Variants in KIAA0825 observed in about 807,000 individuals in gnomAD.
KIAA0825 encodes KIAA0825, also known as uncharacterized protein KIAA0825.
Under a neutral mutation model 147.6 loss-of-function variants are expected in KIAA0825, and 119 were observed. The ratio of observed to expected loss-of-function variants is 0.81; its 90% confidence interval spans 0.69 to 0.94. The LOEUF (loss-of-function observed/expected upper bound fraction) is 0.94, where lower values mean the gene tolerates loss of function less well. Among genes scored for constraint, KIAA0825 ranks in the 40% least tolerant of loss-of-function variants. The pLI, the probability that KIAA0825 is intolerant of heterozygous loss-of-function variation, is 0.00. For missense variants in KIAA0825, 1,381 were observed against 1,472.7 expected (o/e 0.94, Z 1.02); for synonymous variants, 470 against 518.1 (o/e 0.91, Z 1.26).
At chr5:94,362,061 G>A (rs959938617) in intron 20 of KIAA0825, among the ~76,000 whole-genome samples, 3 of 152,128 alleles carry the variant, frequency 2.0e-5, no homozygotes, top group Non-Finnish European at 2.9e-5. Context: ...CATCAATCAC[G>A]CACCAAGAGT....
At chr5:94,452,105 C>T (rs1758487524) in intron 13 of KIAA0825, among the ~76,000 whole-genome samples, 1 of 152,086 alleles carries the variant, frequency 6.6e-6, no homozygotes, top group Non-Finnish European at 1.5e-5. Flanking sequence ...GAGGTAATAA[C>T]AATACATTGA....
At chr5:94,254,430 T>G (rs1352801137) in intron 20 of KIAA0825, among the ~76,000 whole-genome samples, 1 of 152,050 alleles carries the variant, frequency 6.6e-6, no homozygotes, top group African/African-American at 2.4e-5. Context: ...GTGGTATTGG[T>G]CACCAAAATA....
chr5:94,579,302 A>G (rs1022527101), intron 2 of KIAA0825, among the ~76,000 whole-genome samples: 1 of 152,224 alleles, frequency 6.6e-6, no homozygotes, highest in Non-Finnish European at 1.5e-5. Context: ...TACATCCGTA[A>G]ACGAGTGAGA....
intron 14 of KIAA0825, among the ~76,000 whole-genome samples, chr5:94,419,161 T>A (rs1753853700): frequency 6.6e-6 from 1 of 152,110 alleles, no homozygotes; most frequent in South Asian, 2.1e-4. Context: ...AGGCCTGAGT[T>A]GTTACACCCA....
In KIAA0825 at chr5:94,440,016, A is replaced by G. The variant is rs1756875953; in HGVS notation, c.2463T>C (p.Asp821=). The G allele has an allele frequency of 1.3e-6, 2 of 1,551,698 alleles. No individual in the cohort carries two copies. The highest frequency in any genetic ancestry group is 2.7e-5 in the African/African-American group (2 of 73,030). The stretch of plus-strand genomic sequence containing the variant: ...TCAGCAAGATTCTCAGTAAAAGTCC[A>G]TCATGATGCAGTAGGGTTTCCAGAA... ...NLLLETLLHH[D]GLLLRILLKS... Residue 821 remains aspartate (D), a synonymous_variant, in exon 14 of 21, where the codon GAT becomes GAC. Transcript: ENST00000682413.
chr5:94,274,116 ATCTC>A (rs1194264571), intron 20 of KIAA0825, among the ~76,000 whole-genome samples: 2 of 152,158 alleles, frequency 1.3e-5, no homozygotes, highest in Non-Finnish European at 1.5e-5. Flanking sequence ...AGGACTCAGA[ATCTC>A]TATGTATCAT....
intron 20 of KIAA0825, among the ~76,000 whole-genome samples, chr5:94,168,817 G>T (rs1257118335): frequency 6.6e-6 from 1 of 152,080 alleles, no homozygotes; most frequent in East Asian, 1.9e-4. Context: ...CAAAAGAAAA[G>T]GTGTATTTTT....
intron 5 of KIAA0825, among the ~76,000 whole-genome samples, chr5:94,516,035 C>G (rs1767181425): frequency 6.6e-6 from 1 of 151,990 alleles, no homozygotes; most frequent in African/African-American, 2.4e-5. Flanking sequence ...TATTGTAATA[C>G]TAAAGCAGCA....
At chr5:94,288,574 C>G (rs80331325) in intron 20 of KIAA0825, among the ~76,000 whole-genome samples, 81 of 152,176 alleles carry the variant, frequency 5.3e-4, no homozygotes, top group Non-Finnish European at 7.9e-4. Flanking sequence ...TAATATACAC[C>G]TATTTGGGTA....
intron 20 of KIAA0825, among the ~76,000 whole-genome samples, chr5:94,352,633 C>T (rs414577): frequency 6.6e-6 from 1 of 151,958 alleles, no homozygotes; most frequent in Non-Finnish European, 1.5e-5. Flanking sequence ...TGTTTATAGC[C>T]GCACAATTCA....
intron 2 of KIAA0825, among the ~76,000 whole-genome samples, chr5:94,549,893 T>A (rs568423561): frequency 1.2e-4 from 18 of 151,530 alleles, no homozygotes; most frequent in Admixed American, 1.2e-3. Flanking sequence ...AAAATTAGTA[T>A]AAAAAAAGAA....
chr5:94,601,290 C>G (rs1302707400), intron 1 of KIAA0825, among the ~76,000 whole-genome samples: 1 of 152,140 alleles, frequency 6.6e-6, no homozygotes, highest in Non-Finnish European at 1.5e-5. Flanking sequence ...TCTGAGGCAA[C>G]TAGGGACTGG....
At position 94,316,772 on chromosome 5, in the gene KIAA0825, GTTTA is replaced by G. The variant is rs368073056; in HGVS notation, c.3710+67592_3710+67595del. ...GAGTGATTAAATGCAATTTTTAAAA[GTTTA>G]TTTTATTGTTTTTTTAATTACAAAG... On this transcript the variant is annotated intron_variant, in intron 20 of 20. Transcript: ENST00000682413. Among the ~76,000 whole-genome samples, 701 of 151,782 alleles carry G rather than the reference GTTTA, an allele frequency of 4.6e-3. 3 individuals carry two copies. The highest frequency in any genetic ancestry group is 0.016 in the African/African-American group (676 of 41,448).
At chr5:94,156,548 GTC>G (rs1404800340) in intron 20 of KIAA0825, among the ~76,000 whole-genome samples, 4 of 152,142 alleles carry the variant, frequency 2.6e-5, no homozygotes, top group African/African-American at 4.8e-5. Context: ...ATTGAAAGTA[GTC>G]TCTCTGCTTC....
intron 20 of KIAA0825, among the ~76,000 whole-genome samples, chr5:94,190,502 T>TA (rs1373043618): frequency 6.7e-6 from 1 of 148,298 alleles, no homozygotes; most frequent in Non-Finnish European, 1.5e-5. Flanking sequence ...TTTTTTTTTT[T>TA]TTTTTTTTTT....
intron 20 of KIAA0825, among the ~76,000 whole-genome samples, chr5:94,258,975 T>A (rs1320395402): frequency 6.6e-6 from 1 of 152,054 alleles, no homozygotes; most frequent in African/African-American, 2.4e-5. Context: ...GTTCATTCAA[T>A]TATTATTTAA....
intron 20 of KIAA0825, among the ~76,000 whole-genome samples, chr5:94,255,707 CTTTTTTTTTTTTT>C (rs57646287): frequency 1.0e-4 from 5 of 47,798 alleles, no homozygotes; most frequent in African/African-American, 2.6e-4. Context: ...AGAATTATGG[CTTTTTTTTTTTTT>C]TTTTTTTTTT....
At chr5:94,501,035 C>T (rs937578219) in intron 5 of KIAA0825, among the ~76,000 whole-genome samples, 9 of 151,814 alleles carry the variant, frequency 5.9e-5, no homozygotes, top group Non-Finnish European at 7.4e-5. Context: ...GGATTACAGG[C>T]GTGAGCCACT....
chr5:94,386,152 T>G, intron 19 of KIAA0825, 90 bp downstream of exon 19: 1 of 1,160,078 alleles, frequency 8.6e-7, no homozygotes. Context: ...CAAAATAAGC[T>G]TATGAGTAAA....
Sources: allele counts gnomAD v4.1 joint callset (sites outside exome capture counted in the v4.1 genomes callset), GRCh38; gene constraint gnomAD v4.1.1; transcripts MANE v1.5; gene names NCBI Gene and HGNC (gene_info 2026-07-23, HGNC 2026-07-21).